Variants in FOCAD observed in about 807,000 individuals in gnomAD.
The protein encoded by FOCAD is focadhesin.
A neutral mutation model predicts 225.6 loss-of-function variants in FOCAD; 198 were observed. That is an observed-to-expected ratio of 0.88 (90% CI 0.78 to 0.99). The LOEUF is 0.99. Among genes scored for constraint, FOCAD ranks in the 50% least tolerant of loss-of-function variants. The pLI is 0.00. For missense variants in FOCAD, 2,713 were observed against 2,123.6 expected, an observed-to-expected ratio of 1.28 and a Z score of -5.46; for synonymous variants, 897 against 755.0, an observed-to-expected ratio of 1.19 and a Z score of -3.08.
At chr9:20,909,169 C>T (rs1436004144) in intron 22 of FOCAD, among the ~76,000 whole-genome samples, 1 of 152,006 alleles carries the variant, frequency 6.6e-6, no homozygotes, top group African/African-American at 2.4e-5. Context: ...TAAATAAGAG[C>T]TATGGTTTGT....
chr9:20,662,220 G>A (rs143412896), intron 2 of FOCAD, among the ~76,000 whole-genome samples: 2 of 150,260 alleles, frequency 1.3e-5, no homozygotes, highest in Non-Finnish European at 3.0e-5. Flanking sequence ...GTGTGTGTGT[G>A]TATAATTACA....
chr9:20,987,247 C>T (rs1841264956), intron 40 of FOCAD, among the ~76,000 whole-genome samples: 1 of 152,134 alleles, frequency 6.6e-6, no homozygotes, highest in South Asian at 2.1e-4. Context: ...AAGACTGTAT[C>T]GCCTTAATAC....
chr9:20,724,030 C>G (rs1451417253), intron 4 of FOCAD, among the ~76,000 whole-genome samples: 6 of 152,124 alleles, frequency 3.9e-5, no homozygotes, highest in Non-Finnish European at 2.9e-5. Context: ...CTCATGTGAA[C>G]TAACTGAGCA....
intron 1 of FOCAD, among the ~76,000 whole-genome samples, chr9:20,691,033 C>G (rs1822944912): frequency 6.6e-6 from 1 of 151,986 alleles, no homozygotes; most frequent in African/African-American, 2.4e-5. Flanking sequence ...ACCTTCATCT[C>G]TTGGGTTCAA....
At chr9:20,905,719 C>T (rs1832897028) in intron 21 of FOCAD, among the ~76,000 whole-genome samples, 1 of 151,938 alleles carries the variant, frequency 6.6e-6, no homozygotes, top group African/African-American at 2.4e-5. Flanking sequence ...TAATGCCTTG[C>T]CAGCTGGAAA....
upstream of FOCAD, among the ~76,000 whole-genome samples, chr9:20,682,488 CTG>C (rs1307839178): frequency 6.6e-6 from 1 of 152,160 alleles, no homozygotes; most frequent in Non-Finnish European, 1.5e-5. Flanking sequence ...TGGGTAATAA[CTG>C]TAACTGCCTC....
intron 19 of FOCAD, among the ~76,000 whole-genome samples, chr9:20,880,556 G>C (rs1003691121): frequency 2.0e-5 from 3 of 152,154 alleles, no homozygotes; most frequent in African/African-American, 7.2e-5. Context: ...CACAGAGCAG[G>C]GTTGAGAAGG....
Position 20,990,347 on chromosome 9 carries a change from A to G in FOCAD, c.5229A>G (p.Lys1743=), listed in dbSNP as rs1486000535. ...ATAGCATGGCTCTGCTGCTGCAGAA[A>G]GAGCCATGGAAGGAACAGACCCAGA... is the stretch of plus-strand genomic sequence containing the variant. ...LPNSMALLLQ[K]EPWKEQTQKF... is the part of the protein sequence containing the mutation. Residue 1743 remains lysine, a synonymous_variant, in exon 42 of 44, where the codon AAA becomes AAG. Transcript: ENST00000338382. The G allele has an allele frequency of 1.2e-6, 2 of 1,613,920 alleles. No homozygotes were observed. Among genetic ancestry groups the G allele is most frequent in the Non-Finnish European group, 1.7e-6 (2 of 1,179,982 alleles).
chr9:20,926,035 A>G (rs770023757), intron 25 of FOCAD, among the ~76,000 whole-genome samples: 12 of 152,272 alleles, frequency 7.9e-5, no homozygotes, highest in Admixed American at 5.2e-4. Flanking sequence ...GGGCTCTTGG[A>G]TAGTTCTGTT....
intron 4 of FOCAD, among the ~76,000 whole-genome samples, chr9:20,721,909 CT>C (rs1825806376): frequency 1.6e-5 from 1 of 63,520 alleles, no homozygotes; most frequent in South Asian, 1.1e-3. Context: ...CCTCCCTTTC[CT>C]TTTCCTTCCC....
chr9:20,786,721 A>G (rs1439712775), intron 10 of FOCAD, among the ~76,000 whole-genome samples: 1 of 152,206 alleles, frequency 6.6e-6, no homozygotes, highest in East Asian at 1.9e-4. Flanking sequence ...TCTTATTGTT[A>G]CTACTTAATG....
intron 19 of FOCAD, among the ~76,000 whole-genome samples, chr9:20,879,315 C>G (rs1830484121): frequency 6.6e-6 from 1 of 152,120 alleles, no homozygotes; most frequent in Non-Finnish European, 1.5e-5. Flanking sequence ...TTCAGGATTT[C>G]AACATTTGGG....
intron 2 of FOCAD, among the ~76,000 whole-genome samples, chr9:20,666,916 CTA>C (rs1228137491): frequency 2.0e-5 from 3 of 152,084 alleles, no homozygotes; most frequent in Admixed American, 2.0e-4. Flanking sequence ...TATTTTTTGA[CTA>C]TGTCTTTGAT....
intron 26 of FOCAD, 82 bp downstream of exon 26, chr9:20,926,499 A>G (rs975293432): frequency 4.4e-6 from 4 of 905,914 alleles, no homozygotes; most frequent in East Asian, 2.4e-5. Flanking sequence ...AATCGATTAT[A>G]TAGGCCAGGC....
intron 37 of FOCAD, among the ~76,000 whole-genome samples, chr9:20,978,777 T>C (rs1425503344): frequency 1.3e-5 from 2 of 152,276 alleles, no homozygotes; most frequent in Admixed American, 1.3e-4. Context: ...GATTATATAG[T>C]ATATGTAATT....
At chr9:20,695,831 T>C (rs1192699642) in intron 1 of FOCAD, among the ~76,000 whole-genome samples, 2 of 152,184 alleles carry the variant, frequency 1.3e-5, no homozygotes, top group African/African-American at 4.8e-5. Flanking sequence ...TGGTATTAGG[T>C]ATGAATTGAA....
At chr9:20,981,103 A>T (rs1840654341) in intron 37 of FOCAD, among the ~76,000 whole-genome samples, 1 of 152,200 alleles carries the variant, frequency 6.6e-6, no homozygotes, top group Admixed American at 6.5e-5. Context: ...AGTAACTGTC[A>T]TGTACTTTCA....
At chr9:20,907,586 A>G (rs1033981307) in intron 22 of FOCAD, among the ~76,000 whole-genome samples, 5 of 151,962 alleles carry the variant, frequency 3.3e-5, no homozygotes, top group African/African-American at 4.8e-5. Context: ...TGCTTCCTCA[A>G]GCTGGACTTG....
At chr9:20,782,009 T>A in intron 10 of FOCAD, 80 bp downstream of exon 10, 1 of 1,211,004 alleles carries the variant, frequency 8.3e-7, no homozygotes, top group African/African-American at 1.5e-5. Context: ...TGCCTCCTGA[T>A]GAAGCATCTG....
Sources: allele counts gnomAD v4.1 joint callset (sites outside exome capture counted in the v4.1 genomes callset), GRCh38; gene constraint gnomAD v4.1.1; transcripts MANE v1.5; gene names NCBI Gene and HGNC (gene_info 2026-07-23, HGNC 2026-07-21).